Variants in DOK5 observed in about 807,000 individuals in gnomAD.
DOK5 encodes the protein downstream of tyrosine kinase 5.
A neutral mutation model predicts 43.3 loss-of-function variants in DOK5; 27 were observed. The ratio of observed to expected loss-of-function variants is 0.62; its 90% CI spans 0.46 to 0.86. The LOEUF (loss-of-function observed/expected upper bound fraction) is 0.86, where lower values mean the gene tolerates loss of function less well. DOK5 is among the 40% of genes least tolerant of loss of function. DOK5 has a pLI of 0.00. For synonymous variants in DOK5, 146 were observed against 140.1 expected (o/e 1.04, Z -0.30); for missense variants, 373 against 392.9 (o/e 0.95, Z 0.43).
At chr20:54,512,359 C>T (rs1157866223) in intron 1 of DOK5, among the ~76,000 whole-genome samples, 1 of 152,202 alleles carries the variant, frequency 6.6e-6, no homozygotes, top group East Asian at 1.9e-4. Flanking sequence ...TATACTCAGA[C>T]CATCATGTCA....
intron 1 of DOK5, among the ~76,000 whole-genome samples, chr20:54,542,240 G>A (rs1984190257): frequency 6.6e-6 from 1 of 152,004 alleles, no homozygotes. Context: ...CCTAAATAAT[G>A]CCTGGCACAT....
Position 54,533,457 on chromosome 20 carries a change from AT to A in DOK5, c.67-21469del, listed in dbSNP as rs373299079. Among the ~76,000 whole-genome samples the A allele has an allele frequency of 5.3e-5, 8 of 152,328 alleles. No homozygotes were observed. In the East Asian group the frequency reaches 7.7e-4, roughly 15 times the overall value. On this transcript the variant is annotated intron_variant, in intron 1 of 7. Coordinates refer to ENST00000262593, the MANE Select transcript of DOK5 (RefSeq NM_018431.5). ...CATTTCAATAATTTGAAATTTAAACATTTTTTTCTAACCTATTGTAGTTAAA... is the reference window on the plus strand; with the variant it reads ...CATTTCAATAATTTGAAATTTAAACATTTTTTCTAACCTATTGTAGTTAAA...
intron 6 of DOK5, among the ~76,000 whole-genome samples, chr20:54,635,800 C>A (rs542037958): frequency 2.0e-5 from 3 of 152,280 alleles, no homozygotes; most frequent in Admixed American, 1.3e-4. Flanking sequence ...ACCCTCTAGG[C>A]CTCAGCAACC....
chr20:54,544,736 G>A (rs992442718), intron 1 of DOK5, among the ~76,000 whole-genome samples: 4 of 152,088 alleles, frequency 2.6e-5, no homozygotes, highest in Admixed American at 1.3e-4. Flanking sequence ...ACAGTCCTGT[G>A]TACTGAGTCC....
Position 54,610,490 on chromosome 20 carries a change from C to A in DOK5, c.702C>A (p.His234Gln). 6.4e-7 allele frequency: 1 copy of A among 1,554,358 alleles called. No individual in the cohort carries two copies. The highest frequency in any genetic ancestry group is 8.7e-7 in the Non-Finnish European group (1 of 1,150,428). ...HSAALAIAEQ[H>Q]ERLLQSVKNS... The stretch of plus-strand genomic sequence containing the variant: ...CTGCCTTGGCCATAGCCGAGCAGCA[C>A]GAGCGCTTGCTACAGAGTGTGAAAA... The change falls in exon 6 of 8, where the codon CAC becomes CAA. Residue 234 changes from histidine to glutamine, a missense_variant. Physicochemically the swap from His to Gln is conservative, Grantham distance 24. Transcript: ENST00000262593.
chr20:54,598,811 C>T (rs534733722), intron 5 of DOK5, among the ~76,000 whole-genome samples: 2 of 152,134 alleles, frequency 1.3e-5, no homozygotes, highest in Non-Finnish European at 1.5e-5. Context: ...AGTTCACAAG[C>T]GGTTTTTGAA....
chr20:54,611,534 C>T (rs148046978), intron 6 of DOK5, among the ~76,000 whole-genome samples: 1 of 151,806 alleles, frequency 6.6e-6, no homozygotes. Context: ...GCACTTCAGC[C>T]TGAGTGACAA....
chr20:54,499,725 G>A (rs1412351795), intron 1 of DOK5, among the ~76,000 whole-genome samples: 1 of 152,154 alleles, frequency 6.6e-6, no homozygotes, highest in Non-Finnish European at 1.5e-5. Context: ...ACCGTTTATG[G>A]TTAATCACAT....
chr20:54,585,322 T>C (rs746146995), intron 2 of DOK5, among the ~76,000 whole-genome samples: 1 of 152,196 alleles, frequency 6.6e-6, no homozygotes, highest in Non-Finnish European at 1.5e-5. Flanking sequence ...GTTCAGTTGC[T>C]GATTTCCTAA....
chr20:54,596,150 T>C (rs1038831743), intron 5 of DOK5, among the ~76,000 whole-genome samples: 2 of 152,258 alleles, frequency 1.3e-5, no homozygotes, highest in Admixed American at 1.3e-4. Flanking sequence ...ATGCTCAGGA[T>C]AATAAGATCA....
chr20:54,635,941 C>T lies in DOK5; in HGVS notation c.736-7517C>T, dbSNP rs914295718. On this transcript the variant is annotated intron_variant, in intron 6 of 7. Transcript: ENST00000262593. The stretch of plus-strand genomic sequence containing the variant: ...ATTTATAATGAACAGAAATTTACTT[C>T]TTATAGTTCTAGAGGCTGGGAAGTC... 2.6e-5 allele frequency among the ~76,000 whole-genome samples: 4 copies of T among 152,208 alleles called. No homozygotes were observed. In the East Asian group the frequency reaches 7.7e-4, roughly 29 times the overall value.
chr20:54,483,439 C>G (rs1373461412), intron 1 of DOK5, among the ~76,000 whole-genome samples: 1 of 152,142 alleles, frequency 6.6e-6, no homozygotes, highest in Non-Finnish European at 1.5e-5. Flanking sequence ...CAATCACCAT[C>G]CTCAAGGAGT....
intron 2 of DOK5, among the ~76,000 whole-genome samples, chr20:54,572,673 G>A (rs373242613): frequency 2.6e-5 from 4 of 152,028 alleles, no homozygotes; most frequent in East Asian, 1.9e-4. Flanking sequence ...CACAAGCAAC[G>A]CAGGCAGCCC....
intron 6 of DOK5, among the ~76,000 whole-genome samples, chr20:54,630,498 C>T (rs1978514770): frequency 6.6e-6 from 1 of 152,106 alleles, no homozygotes; most frequent in Non-Finnish European, 1.5e-5. Context: ...AAATAGTCTC[C>T]TTAATACACA....
Position 54,534,839 on chromosome 20 carries a change from CTTT to C in DOK5, c.67-20093_67-20091del, listed in dbSNP as rs1340004621. On this transcript the variant is annotated intron_variant, in intron 1 of 7. Coordinates refer to ENST00000262593, the MANE Select transcript of DOK5 (RefSeq NM_018431.5). ...AGCATGTTTCTTTCTTTCTTTCTTT[CTTT>C]CTTTCTTTTTTTGAGATGGAGTCTC... Among the ~76,000 whole-genome samples the C allele has an allele frequency of 2.0e-4, 30 of 148,266 alleles. No individual in the cohort carries two copies. The East Asian group carries it at 5.6e-3, about 28-fold the overall frequency.
chr20:54,573,438 A>G (rs1319484642), intron 2 of DOK5, among the ~76,000 whole-genome samples: 1 of 152,216 alleles, frequency 6.6e-6, no homozygotes, highest in African/African-American at 2.4e-5. Flanking sequence ...CTGTAATCCC[A>G]GCACTTTGGG....
intron 1 of DOK5, among the ~76,000 whole-genome samples, chr20:54,514,586 CTTTTTTTT>C (rs199776939): frequency 2.0e-5 from 2 of 100,930 alleles, no homozygotes; most frequent in African/African-American, 8.2e-5. Flanking sequence ...AAGTTTTACT[CTTTTTTTT>C]TTTTTTTTTT....
intron 1 of DOK5, among the ~76,000 whole-genome samples, chr20:54,522,087 C>A (rs1674663474): frequency 6.6e-6 from 1 of 152,150 alleles, no homozygotes; most frequent in Admixed American, 6.5e-5. Context: ...TCATTTAGCA[C>A]CCCAAGCAGT....
intron 2 of DOK5, among the ~76,000 whole-genome samples, chr20:54,566,578 C>A (rs779028613): frequency 2.0e-5 from 3 of 152,172 alleles, no homozygotes; most frequent in Non-Finnish European, 4.4e-5. Flanking sequence ...TGCATTCTCA[C>A]CAGCATTTGG....
Sources: gnomAD v4.1 joint callset for allele counts (sites outside exome capture counted in the v4.1 genomes callset) on GRCh38, gnomAD v4.1.1 for gene constraint, MANE v1.5 for transcripts, NCBI Gene and HGNC (gene_info 2026-07-23, HGNC 2026-07-21) for gene names.